The following GRID2 variants were observed in gnomAD, a reference collection of about 807,000 sequenced individuals.
The protein encoded by GRID2 is glutamate receptor ionotropic, delta-2.
In GRID2, 33 loss-of-function variants were observed where a neutral mutation model predicts 114.8. That is an observed-to-expected ratio of 0.29 (90% CI 0.22 to 0.38). GRID2 has a LOEUF of 0.38. GRID2 is among the 10% of genes least tolerant of loss of function. The pLI is 1.00. For missense variants in GRID2, 1,184 were observed against 1,257.7 expected (o/e 0.94, Z 0.89); for synonymous variants, 505 against 449.9 (o/e 1.12, Z -1.55).
intron 2 of GRID2, among the ~76,000 whole-genome samples, chr4:92,867,580 TTA>T (rs1349898106): frequency 7.3e-6 from 1 of 137,264 alleles, no homozygotes; most frequent in Non-Finnish European, 1.5e-5. Flanking sequence ...AGCTGTACTA[TTA>T]TTTTTTTTTT....
chr4:93,107,233 AG>A (rs1732324834), intron 3 of GRID2, among the ~76,000 whole-genome samples: 1 of 152,102 alleles, frequency 6.6e-6, no homozygotes, highest in Non-Finnish European at 1.5e-5. Context: ...TGGGAGGTGG[AG>A]GTTGCAATGA....
chr4:92,676,869 C>A (rs981276988), intron 2 of GRID2, among the ~76,000 whole-genome samples: 1 of 152,048 alleles, frequency 6.6e-6, no homozygotes, highest in East Asian at 1.9e-4. Context: ...GTGGAAGCAA[C>A]CCCAGTGTCA....
chr4:93,057,495 A>T (rs902887445), intron 2 of GRID2, among the ~76,000 whole-genome samples: 2 of 151,896 alleles, frequency 1.3e-5, no homozygotes, highest in Non-Finnish European at 2.9e-5. Context: ...TCACATGCTA[A>T]CATGACTATG....
At chr4:93,105,260 C>T (rs1321649925) in intron 3 of GRID2, among the ~76,000 whole-genome samples, 1 of 151,956 alleles carries the variant, frequency 6.6e-6, no homozygotes, top group African/African-American at 2.4e-5. Flanking sequence ...TGTAGGTTGC[C>T]TGTTCACTCT....
intron 2 of GRID2, among the ~76,000 whole-genome samples, chr4:92,893,858 G>A (rs1247073173): frequency 6.6e-6 from 1 of 152,094 alleles, no homozygotes; most frequent in Non-Finnish European, 1.5e-5. Flanking sequence ...AGTTGATGAT[G>A]TGTTATTTTG....
chr4:92,555,533 T>C (rs185837969), intron 1 of GRID2, among the ~76,000 whole-genome samples: 169 of 152,258 alleles, frequency 1.1e-3, no homozygotes, highest in Non-Finnish European at 1.5e-3. Context: ...GCAGCTGGCA[T>C]ACATCATATC....
intron 14 of GRID2, among the ~76,000 whole-genome samples, chr4:93,652,056 T>C (rs889549985): frequency 4.6e-5 from 7 of 152,248 alleles, no homozygotes; most frequent in Admixed American, 2.0e-4. Flanking sequence ...TGGTTAATGT[T>C]ATGGGCTAAA....
chr4:93,775,502 G>C (rs557640167), downstream of GRID2, among the ~76,000 whole-genome samples: 20 of 152,294 alleles, frequency 1.3e-4, no homozygotes, highest in South Asian at 4.1e-3. Context: ...ACATGGGAAA[G>C]TGAGTACCTC....
rs74564279 is a variant in GRID2, at chr4:93,342,885, T to C, written c.1246-52722T>C. On this transcript the variant is annotated intron_variant, in intron 8 of 15. Coordinates refer to ENST00000282020, the MANE Select transcript of GRID2 (RefSeq NM_001510.4). ...AATTGGAAGCATTTTTAGAATAATT[T>C]ATGCATCAAGAAAAGGGTATAATGC... Among the ~76,000 whole-genome samples, 832 of 152,298 alleles carry C rather than the reference T, an allele frequency of 5.5e-3. 4 individuals are homozygous for C. The highest frequency in any genetic ancestry group is 0.019 in the African/African-American group (793 of 41,566).
chr4:92,308,159 A>T (rs576307846), intron 1 of GRID2, among the ~76,000 whole-genome samples: 2 of 152,342 alleles, frequency 1.3e-5, no homozygotes, highest in Admixed American at 6.5e-5. Flanking sequence ...AGGAGTTTAG[A>T]GCACTGCTTT....
intron 2 of GRID2, among the ~76,000 whole-genome samples, chr4:92,676,280 T>C (rs567441177): frequency 2.1e-4 from 31 of 148,910 alleles, no homozygotes; most frequent in South Asian, 1.1e-3. Context: ...CCCGGGTTCA[T>C]GCCCTTCTCC....
At chr4:93,792,416 C>T (rs547222925) in intron 1 of GRID2, among the ~76,000 whole-genome samples, 2 of 152,186 alleles carry the variant, frequency 1.3e-5, no homozygotes, top group East Asian at 1.9e-4. Context: ...TCTTGGAAGG[C>T]TGGGTTTTAC....
intron 1 of GRID2, among the ~76,000 whole-genome samples, chr4:92,511,681 T>TAAATATTGTTAAAATATTAGGATTAAAA (rs1160122487): frequency 2.6e-5 from 4 of 151,848 alleles, no homozygotes; most frequent in Non-Finnish European, 5.9e-5. Flanking sequence ...AAAGTCTAGT[T>TAAATATTGTTAAAATATTAGGATTAAAA]GAATCAGTTC....
intron 2 of GRID2, among the ~76,000 whole-genome samples, chr4:92,783,540 T>A (rs1176625523): frequency 6.6e-6 from 1 of 152,124 alleles, no homozygotes; most frequent in East Asian, 1.9e-4. Flanking sequence ...GATGTTTTGC[T>A]CTCATTTTAA....
At chr4:93,024,559 T>G (rs969579870) in intron 2 of GRID2, among the ~76,000 whole-genome samples, 1 of 151,738 alleles carries the variant, frequency 6.6e-6, no homozygotes, top group Non-Finnish European at 1.5e-5. Context: ...AAAGACAGGT[T>G]TTAAACATTG....
chr4:92,577,957 A>C (rs1727976923), intron 1 of GRID2, among the ~76,000 whole-genome samples: 1 of 152,112 alleles, frequency 6.6e-6, no homozygotes, highest in Non-Finnish European at 1.5e-5. Flanking sequence ...AGTCTCAGTG[A>C]GAATCTCACA....
chr4:93,184,252 T>C (rs1309029665), intron 4 of GRID2, among the ~76,000 whole-genome samples: 1 of 152,112 alleles, frequency 6.6e-6, no homozygotes, highest in African/African-American at 2.4e-5. Flanking sequence ...TGATGTAGAA[T>C]GGCTTTGCTT....
chr4:93,404,991 CT>C (rs1161221697), intron 9 of GRID2, among the ~76,000 whole-genome samples: 4 of 152,038 alleles, frequency 2.6e-5, no homozygotes, highest in African/African-American at 9.7e-5. Context: ...TAAGAAATTT[CT>C]CTGTGACTAT....
Position 93,181,713 on chromosome 4 carries a change from C to G in GRID2, c.736-25691C>G, listed in dbSNP as rs183084877. ...ATTATGCACCCTCATGAACCAGCCT[C>G]TACTAGCTTCCAACTTACCTTCTGC... is the stretch of plus-strand genomic sequence containing the variant. On this transcript the variant is annotated intron_variant, in intron 4 of 15. Transcript: ENST00000282020. 2.6e-5 allele frequency among the ~76,000 whole-genome samples: 4 copies of G among 152,296 alleles called. No individual in the cohort carries two copies. In the East Asian group the frequency reaches 7.7e-4, roughly 29 times the overall value.
Sources: allele counts gnomAD v4.1 joint callset (sites outside exome capture counted in the v4.1 genomes callset), GRCh38; gene constraint gnomAD v4.1.1; transcripts MANE v1.5; gene names NCBI Gene and HGNC (gene_info 2026-07-23, HGNC 2026-07-21).